Variants in MYO1D observed in about 807,000 individuals in gnomAD.
MYO1D encodes the protein unconventional myosin-Id.
A neutral mutation model predicts 122.0 loss-of-function variants in MYO1D; 83 were observed. That is an observed-to-expected ratio of 0.68 (90% CI 0.57 to 0.82). The LOEUF is 0.82. MYO1D is among the 40% of genes least tolerant of loss of function. The pLI is 0.00. For synonymous variants in MYO1D, 464 were observed against 446.9 expected (o/e 1.04, Z -0.48); for missense variants, 1,157 against 1,269.5 (o/e 0.91, Z 1.35).
chr17:32,640,688 G>A (rs1476989601), intron 19 of MYO1D, among the ~76,000 whole-genome samples: 4 of 150,992 alleles, frequency 2.6e-5, no homozygotes, highest in Admixed American at 2.0e-4. Flanking sequence ...GTATTCCATG[G>A]TGTATATGTG....
chr17:32,692,002 G>A (rs970536422), intron 16 of MYO1D, among the ~76,000 whole-genome samples: 6 of 152,030 alleles, frequency 3.9e-5, no homozygotes, highest in African/African-American at 1.4e-4. Flanking sequence ...TTTTTGTTCA[G>A]TTTTCTAGTG....
At chr17:32,827,284 T>C (rs1388620350) in intron 1 of MYO1D, among the ~76,000 whole-genome samples, 1 of 152,154 alleles carries the variant, frequency 6.6e-6, no homozygotes, top group Non-Finnish European at 1.5e-5. Flanking sequence ...ATATAATAAG[T>C]TGTGACTAAG....
In MYO1D at chr17:32,738,343, C is replaced by G. The variant is rs747009576; in HGVS notation, c.1656G>C (p.Leu552=). Residue 552 remains leucine, a synonymous_variant, in exon 14 of 22, where the codon CTG becomes CTC. Transcript: ENST00000318217. ...VLKNMWPEGK[L]SITEVTKRPL... The stretch of plus-strand genomic sequence containing the variant: ...GTCGCTTGGTCACCTCTGTAATGCT[C>G]AGTTTGCCTTCAGGCCACATATTCT... 4 of 1,605,508 alleles carry G rather than the reference C, an allele frequency of 2.5e-6. No homozygotes were observed. The highest frequency in any genetic ancestry group is 3.4e-6 in the Non-Finnish European group (4 of 1,176,342).
chr17:32,746,618 A>G (rs558547713), intron 12 of MYO1D, among the ~76,000 whole-genome samples: 29 of 152,316 alleles, frequency 1.9e-4, no homozygotes, highest in Non-Finnish European at 4.4e-5. Flanking sequence ...AACCATACAT[A>G]TATGTATATA....
At chr17:32,556,011 T>C (rs1443333549) in intron 21 of MYO1D, among the ~76,000 whole-genome samples, 1 of 152,190 alleles carries the variant, frequency 6.6e-6, no homozygotes, top group Non-Finnish European at 1.5e-5. Context: ...TTAGCACTTA[T>C]CATATCGAAT....
chr17:32,597,647 G>A (rs984727497), intron 21 of MYO1D, among the ~76,000 whole-genome samples: 1 of 151,904 alleles, frequency 6.6e-6, no homozygotes, highest in Admixed American at 6.6e-5. Flanking sequence ...TGAGGCGGGT[G>A]GATCACCTGA....
At chr17:32,613,579 T>C (rs2087731241) in intron 20 of MYO1D, among the ~76,000 whole-genome samples, 1 of 151,796 alleles carries the variant, frequency 6.6e-6, no homozygotes, top group Non-Finnish European at 1.5e-5. Flanking sequence ...ATCAAGATCA[T>C]CCTAGCCAAC....
chr17:32,545,553 G>A (rs4794928), intron 21 of MYO1D, among the ~76,000 whole-genome samples: 13,145 of 152,190 alleles, frequency 0.086, 703 homozygotes, highest in South Asian at 0.16. Flanking sequence ...AATCATGACC[G>A]CTGTCTTACT....
chr17:32,807,002 T>C lies in MYO1D; in HGVS notation c.96-26218A>G, dbSNP rs533486888. On this transcript the variant is annotated intron_variant, in intron 1 of 21. Coordinates refer to ENST00000318217, the MANE Select transcript of MYO1D (RefSeq NM_015194.3). The stretch of plus-strand genomic sequence containing the variant: ...GAATTTGGCAATTCTCTTTGGTCTA[T>C]ACATATTATATACACACATAAATAG... 7.0e-4 allele frequency among the ~76,000 whole-genome samples: 106 copies of C among 152,260 alleles called. 2 individuals carry two copies. In the South Asian group the frequency reaches 0.02, roughly 29 times the overall value.
intron 15 of MYO1D, among the ~76,000 whole-genome samples, chr17:32,720,007 C>A (rs2089492177): frequency 6.6e-6 from 1 of 152,180 alleles, no homozygotes; most frequent in Non-Finnish European, 1.5e-5. Context: ...TGCTTCCTGT[C>A]ATTGTCAGCT....
chr17:32,714,305 G>T (rs2089415494), intron 15 of MYO1D, among the ~76,000 whole-genome samples: 1 of 148,432 alleles, frequency 6.7e-6, no homozygotes, highest in African/African-American at 2.5e-5. Context: ...CCACTTATAA[G>T]TGAGAACATG....
intron 1 of MYO1D, among the ~76,000 whole-genome samples, chr17:32,844,248 TAATA>T (rs1030429770): frequency 1.9e-4 from 28 of 147,218 alleles, no homozygotes; most frequent in African/African-American, 3.0e-4. Context: ...TGTGTATATA[TAATA>T]TATAATATGT....
chr17:32,817,844 G>A (rs1017417894), intron 1 of MYO1D, among the ~76,000 whole-genome samples: 1 of 152,100 alleles, frequency 6.6e-6, no homozygotes, highest in African/African-American at 2.4e-5. Context: ...GAGGTAGTAG[G>A]GGCCGGGCGC....
chr17:32,791,531 A>T (rs1374966429), intron 1 of MYO1D, among the ~76,000 whole-genome samples: 1 of 152,222 alleles, frequency 6.6e-6, no homozygotes, highest in East Asian at 1.9e-4. Flanking sequence ...ACACACCCTG[A>T]ATTATTTAAT....
intron 21 of MYO1D, among the ~76,000 whole-genome samples, chr17:32,545,297 C>G (rs2086956989): frequency 6.6e-6 from 1 of 152,208 alleles, no homozygotes; most frequent in Admixed American, 6.5e-5. Context: ...ATGCTCATCT[C>G]ATGGGGTTAT....
chr17:32,568,313 G>T (rs1343640242), intron 21 of MYO1D, among the ~76,000 whole-genome samples: 1 of 151,990 alleles, frequency 6.6e-6, no homozygotes, highest in Non-Finnish European at 1.5e-5. Context: ...TGGAAACAGA[G>T]ACAATCTTAT....
chr17:32,681,694 G>A (rs1161557291), intron 16 of MYO1D, among the ~76,000 whole-genome samples: 4 of 149,882 alleles, frequency 2.7e-5, no homozygotes, highest in African/African-American at 7.3e-5. Context: ...TTTGGAATAG[G>A]TGTGGTGTGG....
chr17:32,658,269 G>T (rs1355727873), intron 17 of MYO1D, among the ~76,000 whole-genome samples: 3 of 152,052 alleles, frequency 2.0e-5, no homozygotes, highest in Non-Finnish European at 4.4e-5. Context: ...ATTTAGCACA[G>T]AATTATACAT....
intron 1 of MYO1D, among the ~76,000 whole-genome samples, chr17:32,856,008 G>T (rs1237332265): frequency 1.3e-5 from 2 of 152,108 alleles, no homozygotes; most frequent in Non-Finnish European, 2.9e-5. Flanking sequence ...TTATAATGAC[G>T]GTACCGAATT....
Sources: allele counts gnomAD v4.1 joint callset (sites outside exome capture counted in the v4.1 genomes callset), GRCh38; gene constraint gnomAD v4.1.1; transcripts MANE v1.5; gene names NCBI Gene and HGNC (gene_info 2026-07-23, HGNC 2026-07-21).